Variants in FBXO34 observed in about 807,000 individuals in gnomAD.
FBXO34 encodes the protein F-box only protein 34.
FBXO34 carries 12 observed loss-of-function variants against 24.5 expected under a neutral mutation model. The ratio of observed to expected loss-of-function variants is 0.49; its 90% CI spans 0.31 to 0.79. The LOEUF is 0.79. Ranked by LOEUF, FBXO34 falls within the 30% of genes least tolerant of loss-of-function variation. The probability of loss-of-function intolerance (pLI) is 0.04; values close to 1 mark genes in which losing one functional copy is unlikely to be tolerated. For synonymous variants in FBXO34, 320 were observed against 311.9 expected (o/e 1.03, Z -0.27); for missense variants, 823 against 857.7 (o/e 0.96, Z 0.51).
intron 1 of FBXO34, among the ~76,000 whole-genome samples, chr14:55,318,799 C>T (rs1375086661): frequency 6.6e-6 from 1 of 152,028 alleles, no homozygotes; most frequent in African/African-American, 2.4e-5. Flanking sequence ...TCAGCAATTC[C>T]AGTTGCCCAT....
At chr14:55,304,470 G>A (rs1005914061) in intron 1 of FBXO34, among the ~76,000 whole-genome samples, 6 of 151,844 alleles carry the variant, frequency 4.0e-5, no homozygotes, top group African/African-American at 1.5e-4. Flanking sequence ...TGGATTATAG[G>A]CATGAGCCAT....
intron 1 of FBXO34, among the ~76,000 whole-genome samples, chr14:55,318,838 C>G (rs1323636261): frequency 2.0e-5 from 3 of 152,118 alleles, no homozygotes; most frequent in Non-Finnish European, 4.4e-5. Context: ...ACCTGGTCAT[C>G]TCACTCGCTC....
the FBXO34 span, among the ~76,000 whole-genome samples, chr14:55,439,853 C>T: frequency 6.7e-6 from 1 of 148,356 alleles, no homozygotes; most frequent in African/African-American, 2.5e-5. Context: ...ATGGCGTGAA[C>T]CTGGGAGGCA....
intron 1 of FBXO34, among the ~76,000 whole-genome samples, chr14:55,291,131 A>G (rs1881932962): frequency 6.6e-6 from 1 of 152,042 alleles, no homozygotes; most frequent in East Asian, 1.9e-4. Flanking sequence ...CTGGCCTCAG[A>G]TGGTGTTTTG....
chr14:55,351,784 A>G lies in FBXO34; in HGVS notation c.1394A>G (p.Lys465Arg), dbSNP rs747826659. ...AGTATCACTGTGTCCAAGGTAGACA[A>G]AGACCAGCCTTCCATTTTAAACTCC... ...CISITVSKVD[K>R]DQPSILNSCE... Residue 465 changes from lysine to arginine, a missense_variant, in exon 2 of 2, where the codon AAA becomes AGA. Around this residue, in one of 2 missense-constraint regions of FBXO34, gnomAD observed 693 missense variants for 659.1 expected, o/e 1.05. Coordinates refer to ENST00000313833, the MANE Select transcript of FBXO34 (RefSeq NM_017943.4). The G allele has an allele frequency of 6.8e-6, 11 of 1,614,084 alleles. No homozygotes were observed. In the African/African-American group the frequency reaches 9.3e-5, roughly 14 times the overall value.
downstream of FBXO34, chr14:55,369,528 A>ACTAT (rs1316479985): frequency 1.1e-5 from 13 of 1,212,246 alleles, no homozygotes; most frequent in African/African-American, 1.7e-4. Context: ...TGTTCCAGAC[A>ACTAT]CTATCTTAAC....
At chr14:55,343,118 TG>T (rs1471861814) in intron 1 of FBXO34, among the ~76,000 whole-genome samples, 1 of 152,192 alleles carries the variant, frequency 6.6e-6, no homozygotes, top group African/African-American at 2.4e-5. Context: ...AGATGGTCTC[TG>T]GAAGCTTTTA....
chr14:55,306,416 C>G (rs371181085), intron 1 of FBXO34, among the ~76,000 whole-genome samples: 2 of 152,184 alleles, frequency 1.3e-5, no homozygotes, highest in Admixed American at 1.3e-4. Context: ...AAGTTTTCCA[C>G]TAAAGTCATT....
intron 1 of FBXO34, among the ~76,000 whole-genome samples, chr14:55,296,105 TC>T (rs889218555): frequency 2.0e-5 from 3 of 151,878 alleles, no homozygotes; most frequent in Non-Finnish European, 2.9e-5. Flanking sequence ...CCTTAGCAAG[TC>T]CCCCCCTTTT....
chr14:55,280,589 C>T (rs529179330), intron 1 of FBXO34, among the ~76,000 whole-genome samples: 7 of 139,704 alleles, frequency 5.0e-5, no homozygotes, highest in African/African-American at 1.1e-4. Context: ...TGCAGTGGCG[C>T]GATCTTGGTT....
At chr14:55,379,548 A>T in the FBXO34 span, among the ~76,000 whole-genome samples, 2 of 152,176 alleles carry the variant, frequency 1.3e-5, no homozygotes, top group African/African-American at 4.8e-5. Flanking sequence ...CTGTCTTAAG[A>T]AAAAGAAGAA....
Position 55,350,859 on chromosome 14 carries a change from C to A in FBXO34, c.469C>A (p.Leu157Ile). 4 of 1,612,884 alleles carry A rather than the reference C, an allele frequency of 2.5e-6. No individual in the cohort carries two copies. The highest frequency in any genetic ancestry group is 3.4e-6 in the Non-Finnish European group (4 of 1,179,726). ...ATKRRKKSGDLKKAKVQVERM... is the reference protein window; with the variant it reads ...ATKRRKKSGDIKKAKVQVERM... ...TAAGAGAAGGAAAAAATCAGGGGAT[C>A]TTAAAAAAGCCAAGGTACAGGTGGA... The change falls in exon 2 of 2, where the codon CTT (leucine) becomes ATT (isoleucine). Residue 157 changes from leucine (L) to isoleucine (I), a missense_variant. Leu to Ile is a conservative substitution (Grantham distance 5). Coordinates refer to ENST00000313833, the MANE Select transcript of FBXO34 (RefSeq NM_017943.4).
chr14:55,349,285 G>A (rs1167797894), intron 1 of FBXO34, among the ~76,000 whole-genome samples: 1 of 151,882 alleles, frequency 6.6e-6, no homozygotes, highest in African/African-American at 2.4e-5. Flanking sequence ...GATATGGCAG[G>A]GACTGGAACA....
At position 55,327,908 on chromosome 14, in the gene FBXO34, G is replaced by GTTTTTTTTTTT. The variant is rs386381425; in HGVS notation, c.-10-22448_-10-22438dup. Among the ~76,000 whole-genome samples the GTTTTTTTTTTT allele has an allele frequency of 7.2e-4, 35 of 48,732 alleles. 3 individuals are homozygous for GTTTTTTTTTTT. Among genetic ancestry groups the GTTTTTTTTTTT allele is most frequent in the East Asian group, 2.0e-3 (3 of 1,492 alleles). The allele number at this position is 48,732 out of a possible 152,430, so 32.0% of individuals were successfully genotyped here. A position where few individuals can be genotyped will look rare whatever the true frequency, so the allele number is the denominator to read the frequency against. ...CATATGATTTTCTTTGTTGTTGTTG[G>GTTTTTTTTTTT]TTTTTTTTTTTTTTTTTTTTTTTTT... On this transcript the variant is annotated intron_variant, in intron 1 of 1. Transcript: ENST00000313833.
At chr14:55,349,941 A>G (rs527437204) in intron 1 of FBXO34, among the ~76,000 whole-genome samples, 1 of 152,262 alleles carries the variant, frequency 6.6e-6, no homozygotes, top group Admixed American at 6.5e-5. Flanking sequence ...GTTTGCAACT[A>G]ATAAAATGCG....
intron 1 of FBXO34, among the ~76,000 whole-genome samples, chr14:55,322,796 C>A (rs1323713992): frequency 6.6e-6 from 1 of 151,946 alleles, no homozygotes; most frequent in Non-Finnish European, 1.5e-5. Flanking sequence ...AGTTACCCAA[C>A]TAAGATTATA....
intron 1 of FBXO34, among the ~76,000 whole-genome samples, chr14:55,317,757 G>C (rs1239228362): frequency 2.0e-5 from 3 of 152,122 alleles, no homozygotes; most frequent in Non-Finnish European, 4.4e-5. Context: ...CCTTTAGCCA[G>C]CTGGTAAACA....
At chr14:55,319,746 G>A (rs1440283048) in intron 1 of FBXO34, among the ~76,000 whole-genome samples, 1 of 152,156 alleles carries the variant, frequency 6.6e-6, no homozygotes, top group African/African-American at 2.4e-5. Flanking sequence ...CGCAATCTCG[G>A]CTCACTGCAA....
At chr14:55,333,077 A>ACAAGC (rs1883654540) in intron 1 of FBXO34, among the ~76,000 whole-genome samples, 4 of 152,196 alleles carry the variant, frequency 2.6e-5, no homozygotes, top group Non-Finnish European at 4.4e-5. Context: ...CTAGTGGGCT[A>ACAAGC]TTGTTAGCTA....
Sources: allele counts gnomAD v4.1 joint callset (sites outside exome capture counted in the v4.1 genomes callset), GRCh38; gene constraint gnomAD v4.1.1; regional missense constraint gnomAD v4.1.1; transcripts MANE v1.5; gene names NCBI Gene and HGNC (gene_info 2026-07-23, HGNC 2026-07-21).